The following MCTP2 variants were observed in gnomAD, a reference collection of about 807,000 sequenced individuals.
MCTP2 encodes the protein multiple C2 and transmembrane domain containing 2.
In MCTP2, 132 loss-of-function variants were observed where a neutral mutation model predicts 111.6. The observed-to-expected ratio is 1.18, with a 90% confidence interval of 1.03 to 1.37. The LOEUF (loss-of-function observed/expected upper bound fraction) is 1.37, where lower values mean the gene tolerates loss of function less well. MCTP2 is among the 40% of genes most tolerant of loss of function. The pLI, the probability that MCTP2 is intolerant of heterozygous loss-of-function variation, is 0.00. For missense variants in MCTP2, 1,183 were observed against 1,067.9 expected (o/e 1.11, Z -1.50); for synonymous variants, 395 against 387.7 (o/e 1.02, Z -0.22).
chr15:94,436,146 G>C (rs2083465601), intron 17 of MCTP2, among the ~76,000 whole-genome samples: 1 of 152,142 alleles, frequency 6.6e-6, no homozygotes, highest in South Asian at 2.1e-4. Flanking sequence ...GCGCTCTGCA[G>C]TGGCTCTGGT....
At chr15:94,274,225 T>C (rs1192160994) in intron 1 of MCTP2, among the ~76,000 whole-genome samples, 2 of 152,132 alleles carry the variant, frequency 1.3e-5, no homozygotes, top group South Asian at 2.1e-4. Context: ...TGAATGGTAA[T>C]GAAAATGTGA....
At position 94,328,964 on chromosome 15, in the gene MCTP2, G is replaced by A. The variant is rs533430436; in HGVS notation, c.638-10326G>A. On this transcript the variant is annotated intron_variant, in intron 4 of 22. Transcript: ENST00000357742. ...GTTCCACATGAGGCCTCCCCATGCAGCATGTCTTCCTCATGACATGGCAGC... is the reference window on the plus strand; with the variant it reads ...GTTCCACATGAGGCCTCCCCATGCAACATGTCTTCCTCATGACATGGCAGC... 3.9e-5 allele frequency among the ~76,000 whole-genome samples: 6 copies of A among 152,278 alleles called. No homozygotes were observed. In the South Asian group the frequency reaches 1.2e-3, roughly 32 times the overall value.
At chr15:94,313,906 T>G (rs906714598) in intron 2 of MCTP2, among the ~76,000 whole-genome samples, 1 of 152,194 alleles carries the variant, frequency 6.6e-6, no homozygotes, top group Non-Finnish European at 1.5e-5. Flanking sequence ...GATCCTGAGC[T>G]GCTCGTTTCA....
intron 2 of MCTP2, among the ~76,000 whole-genome samples, chr15:94,312,773 C>A (rs1323460212): frequency 6.6e-6 from 1 of 152,164 alleles, no homozygotes; most frequent in Non-Finnish European, 1.5e-5. Flanking sequence ...CAGCCTTTCT[C>A]GATGTCACTG....
chr15:94,379,916 AAT>A (rs1335194192), intron 12 of MCTP2, among the ~76,000 whole-genome samples: 2 of 147,282 alleles, frequency 1.4e-5, no homozygotes, highest in East Asian at 1.9e-4. Context: ...TGTATAATAT[AAT>A]ATATATAATA....
chr15:94,297,220 G>T (rs2075315064), intron 1 of MCTP2, among the ~76,000 whole-genome samples: 1 of 152,122 alleles, frequency 6.6e-6, no homozygotes, highest in African/African-American at 2.4e-5. Flanking sequence ...ATTTGATTTT[G>T]ATTTGATCCG....
intron 4 of MCTP2, among the ~76,000 whole-genome samples, chr15:94,334,389 A>G (rs549482443): frequency 3.7e-4 from 56 of 152,380 alleles, no homozygotes; most frequent in Admixed American, 3.1e-3. Context: ...TACCAGGCAT[A>G]TTAGGCACCT....
At chr15:94,257,798 G>C (rs1057250084) in intron 1 of MCTP2, among the ~76,000 whole-genome samples, 1 of 151,486 alleles carries the variant, frequency 6.6e-6, no homozygotes, top group African/African-American at 2.4e-5. Context: ...TGTTGGCCAG[G>C]CTGGTCTTGA....
intron 1 of MCTP2, among the ~76,000 whole-genome samples, chr15:94,274,803 A>C (rs559550192): frequency 6.6e-6 from 1 of 152,336 alleles, no homozygotes; most frequent in East Asian, 1.9e-4. Context: ...CACCAATTTT[A>C]CACAAACTTT....
chr15:94,452,892 C>T (rs1351709210), intron 19 of MCTP2, among the ~76,000 whole-genome samples: 1 of 152,200 alleles, frequency 6.6e-6, no homozygotes, highest in Non-Finnish European at 1.5e-5. Flanking sequence ...GAAATTTTCC[C>T]TGTCTCACAT....
At chr15:94,434,067 G>C (rs891292589) in intron 17 of MCTP2, among the ~76,000 whole-genome samples, 1 of 152,032 alleles carries the variant, frequency 6.6e-6, no homozygotes, top group African/African-American at 2.4e-5. Flanking sequence ...AGAGCAAAAG[G>C]AGTATATTTT....
intron 17 of MCTP2, chr15:94,402,560 A>T: frequency 6.4e-7 from 1 of 1,551,678 alleles, no homozygotes; most frequent in South Asian, 1.2e-5. Flanking sequence ...CCTTATGAGC[A>T]TAATAAAATC....
rs764039830 is a variant in MCTP2 at position 94,400,007 on chromosome 15, C to T, written c.1965+12C>T. The T allele has an allele frequency of 7.4e-5, 119 of 1,612,948 alleles. No individual in the cohort carries two copies. The highest frequency in any genetic ancestry group is 9.7e-5 in the Non-Finnish European group (114 of 1,179,120). The stretch of plus-strand genomic sequence containing the variant: ...AGCTGTCCAAAAAGGTGGGTCGCTA[C>T]AGTAGGTGGCTTGTTGATTGGTACA... On this transcript the variant is annotated intron_variant, in intron 16 of 22. Coordinates refer to ENST00000357742, the MANE Select transcript of MCTP2 (RefSeq NM_001385001.1).
intron 8 of MCTP2, among the ~76,000 whole-genome samples, chr15:94,352,797 T>C (rs17661910): frequency 0.17 from 26,214 of 152,192 alleles, 2,775 homozygotes; most frequent in East Asian, 0.31. Context: ...CACAAAAGAC[T>C]TTTGCGAGCC....
At chr15:94,306,542 A>G (rs1244557579) in intron 2 of MCTP2, among the ~76,000 whole-genome samples, 1 of 152,190 alleles carries the variant, frequency 6.6e-6, no homozygotes, top group Admixed American at 6.5e-5. Flanking sequence ...TCTGGAGATA[A>G]AAAAAGTTGA....
intron 1 of MCTP2, among the ~76,000 whole-genome samples, chr15:94,275,667 T>G (rs2074151641): frequency 6.6e-6 from 1 of 152,136 alleles, no homozygotes; most frequent in South Asian, 2.1e-4. Flanking sequence ...TTCTGGACCC[T>G]TTACATTTCA....
intron 17 of MCTP2, among the ~76,000 whole-genome samples, chr15:94,408,702 C>T (rs2082015958): frequency 6.6e-6 from 1 of 152,138 alleles, no homozygotes; most frequent in Non-Finnish European, 1.5e-5. Flanking sequence ...AGCATATTTT[C>T]ATGTTTATAT....
chr15:94,251,547 C>T (rs764711087), intron 1 of MCTP2, among the ~76,000 whole-genome samples: 7 of 151,930 alleles, frequency 4.6e-5, no homozygotes, highest in African/African-American at 7.3e-5. Context: ...TTAGTAGAGA[C>T]GGGGTTTCTC....
intron 2 of MCTP2, among the ~76,000 whole-genome samples, chr15:94,303,079 A>ATATATATATAGTTTATATATATAGTTTC (rs1395968284): frequency 8.1e-6 from 1 of 124,090 alleles, no homozygotes; most frequent in Non-Finnish European, 1.7e-5. Flanking sequence ...TATATAGTTT[A>ATATATATATAGTTTATATATATAGTTTC]TATATATATA....
Sources: allele counts gnomAD v4.1 joint callset (sites outside exome capture counted in the v4.1 genomes callset), GRCh38; gene constraint gnomAD v4.1.1; transcripts MANE v1.5; gene names NCBI Gene and HGNC (gene_info 2026-07-23, HGNC 2026-07-21).